Variants in MSRA observed in about 807,000 individuals in gnomAD.
MSRA encodes the protein methionine sulfoxide reductase A.
Under a neutral mutation model 31.3 loss-of-function variants are expected in MSRA, and 54 were observed. The observed-to-expected ratio is 1.73, with a 90% CI of 1.39 to 2.17. MSRA has a LOEUF of 2.17. MSRA is among the 30% of genes most tolerant of loss of function. The pLI is 0.00. For synonymous variants in MSRA, 169 were observed against 116.5 expected (o/e 1.45, Z -2.90); for missense variants, 507 against 300.9 (o/e 1.69, Z -5.07).
intron 2 of MSRA, among the ~76,000 whole-genome samples, chr8:10,231,534 G>C (rs1028639037): frequency 6.6e-6 from 1 of 152,194 alleles, no homozygotes; most frequent in Non-Finnish European, 1.5e-5. Context: ...GTGGTTAGGG[G>C]TTTGACATCT....
chr8:10,342,571 C>T (rs1481750889), intron 5 of MSRA, among the ~76,000 whole-genome samples: 3 of 152,196 alleles, frequency 2.0e-5, no homozygotes, highest in Non-Finnish European at 2.9e-5. Context: ...CAACCCTGTT[C>T]GTCTGCCTCA....
intron 5 of MSRA, among the ~76,000 whole-genome samples, chr8:10,423,108 A>G (rs1373495263): frequency 1.3e-5 from 2 of 152,140 alleles, no homozygotes; most frequent in Non-Finnish European, 1.5e-5. Flanking sequence ...GCAGTCACGA[A>G]TGGTCAGCCG....
chr8:10,413,177 AAGAAG>A (rs1409894550), intron 5 of MSRA, among the ~76,000 whole-genome samples: 1 of 152,166 alleles, frequency 6.6e-6, no homozygotes, highest in Non-Finnish European at 1.5e-5. Context: ...AAGGGAAGAG[AAGAAG>A]AGAAGGCCGA....
intron 5 of MSRA, among the ~76,000 whole-genome samples, chr8:10,326,300 C>G (rs1313634341): frequency 1.3e-5 from 2 of 152,116 alleles, no homozygotes; most frequent in Non-Finnish European, 2.9e-5. Context: ...TCACAGGGAC[C>G]AATTGTTGAG....
chr8:10,393,518 C>T (rs776470148), intron 5 of MSRA, among the ~76,000 whole-genome samples: 4 of 152,132 alleles, frequency 2.6e-5, no homozygotes, highest in Non-Finnish European at 5.9e-5. Context: ...TGCTGGGCAC[C>T]GTGTAGGCAT....
In MSRA at chr8:10,422,696, G is replaced by A. The variant is rs1231339407; in HGVS notation, c.544-5452G>A. Among the ~76,000 whole-genome samples the A allele has an allele frequency of 9.8e-5, 15 of 152,302 alleles. No individual in the cohort carries two copies. The East Asian group carries it at 1.7e-3, about 18-fold the overall frequency. ...GGTCATTCCTCCCCTGAAGTGGAAC[G>A]TGGTAGGGGCATGTGAGACTGGCTG... On this transcript the variant is annotated intron_variant, in intron 5 of 5. Transcript: ENST00000317173.
intron 1 of MSRA, among the ~76,000 whole-genome samples, chr8:10,082,983 A>G (rs894263787): frequency 1.4e-4 from 21 of 152,342 alleles, no homozygotes; most frequent in African/African-American, 4.8e-4. Context: ...CAGGAAGCCA[A>G]AAATAACACA....
rs563387161 is a variant in MSRA, at chr8:10,250,671, G to A, written c.331+5448G>A. Reference sequence around the variant, plus strand: ...CAGGTGTGGGAAGAGCGGAGTGTGGGAGTCCTCGTGTGACCCTCTGGGGGT... The same window carrying A: ...CAGGTGTGGGAAGAGCGGAGTGTGGAAGTCCTCGTGTGACCCTCTGGGGGT... On this transcript the variant is annotated intron_variant, in intron 3 of 5. Coordinates refer to ENST00000317173, the MANE Select transcript of MSRA (RefSeq NM_012331.5). 436 of 576,500 alleles carry A rather than the reference G, an allele frequency of 7.6e-4. 1 individual carries two copies. The highest frequency in any genetic ancestry group is 1.3e-3 in the Admixed American group (43 of 32,876). The allele number at this position is 576,500 out of a possible 1,614,324, so 35.7% of individuals were successfully genotyped here.
chr8:10,146,122 T>A (rs1208210159), intron 1 of MSRA, among the ~76,000 whole-genome samples: 1 of 152,104 alleles, frequency 6.6e-6, no homozygotes, highest in Non-Finnish European at 1.5e-5. Context: ...GAGTGTGTGG[T>A]TTGGACCAGA....
intron 1 of MSRA, among the ~76,000 whole-genome samples, chr8:10,155,817 G>A (rs913075633): frequency 6.6e-6 from 1 of 152,120 alleles, no homozygotes; most frequent in South Asian, 2.1e-4. Context: ...GGAAAGCTCT[G>A]CTTTATAGGA....
chr8:10,414,288 T>G (rs1808329240), intron 5 of MSRA, among the ~76,000 whole-genome samples: 1 of 152,222 alleles, frequency 6.6e-6, no homozygotes. Context: ...GAGACATGTG[T>G]AAGTAAACAG....
chr8:10,304,352 G>T (rs1277950555), intron 4 of MSRA, among the ~76,000 whole-genome samples: 1 of 152,228 alleles, frequency 6.6e-6, no homozygotes, highest in Non-Finnish European at 1.5e-5. Flanking sequence ...CCAATATGCT[G>T]AGATCAAGTG....
intron 5 of MSRA, among the ~76,000 whole-genome samples, chr8:10,333,020 A>G (rs1269814561): frequency 6.6e-6 from 1 of 152,224 alleles, no homozygotes; most frequent in African/African-American, 2.4e-5. Flanking sequence ...CATCAGAAAC[A>G]GCCTAAGATT....
At chr8:10,369,817 T>C (rs1033717410) in intron 5 of MSRA, among the ~76,000 whole-genome samples, 1 of 152,188 alleles carries the variant, frequency 6.6e-6, no homozygotes, top group African/African-American at 2.4e-5. Context: ...CAAAAATACA[T>C]ATGAGAATTA....
intron 5 of MSRA, among the ~76,000 whole-genome samples, chr8:10,337,325 G>A (rs1158462930): frequency 1.3e-5 from 2 of 151,930 alleles, no homozygotes; most frequent in African/African-American, 2.4e-5. Context: ...GACTACAGGC[G>A]CCCGCCACCA....
At chr8:10,408,427 A>C (rs1424668789) in intron 5 of MSRA, among the ~76,000 whole-genome samples, 1 of 152,154 alleles carries the variant, frequency 6.6e-6, no homozygotes, top group Admixed American at 6.5e-5. Context: ...CTGTAGCCCC[A>C]GCTACCCAAG....
chr8:10,420,892 T>TA (rs71203325), intron 5 of MSRA, among the ~76,000 whole-genome samples: 143,168 of 147,152 alleles, frequency 0.97, 69,655 homozygotes, highest in Middle Eastern at 1. Flanking sequence ...TACCACAACT[T>TA]AAAAAAAAAA....
chr8:10,247,989 A>G (rs1041323243), intron 3 of MSRA, among the ~76,000 whole-genome samples: 1 of 152,172 alleles, frequency 6.6e-6, no homozygotes, highest in Non-Finnish European at 1.5e-5. Flanking sequence ...GACATAAAGC[A>G]GGTTACACTG....
intron 1 of MSRA, among the ~76,000 whole-genome samples, chr8:10,127,193 C>A (rs1396072332): frequency 6.6e-6 from 1 of 152,056 alleles, no homozygotes; most frequent in African/African-American, 2.4e-5. Context: ...CTTTACTCTT[C>A]AAGTTTCTTA....
Sources: gnomAD v4.1 joint callset for allele counts (sites outside exome capture counted in the v4.1 genomes callset) on GRCh38, gnomAD v4.1.1 for gene constraint, MANE v1.5 for transcripts, NCBI Gene and HGNC (gene_info 2026-07-23, HGNC 2026-07-21) for gene names.